DOCK9: variants seen among roughly 807,000 people sequenced by gnomAD.
DOCK9 encodes dedicator of cytokinesis 9, also known as dedicator of cytokinesis protein 9.
DOCK9 carries 89 observed loss-of-function variants against 263.3 expected under a neutral mutation model. That is an observed-to-expected ratio of 0.34 (90% CI 0.28 to 0.40). DOCK9 has a LOEUF of 0.40. DOCK9 is among the 10% of genes least tolerant of loss of function. The pLI, the probability that DOCK9 is intolerant of heterozygous loss-of-function variation, is 1.00. For synonymous variants in DOCK9, 976 were observed against 973.1 expected (o/e 1.00, Z -0.06); for missense variants, 2,140 against 2,603.4 (o/e 0.82, Z 3.87).
At chr13:98,959,147 C>G (rs1395320584) in intron 1 of DOCK9, among the ~76,000 whole-genome samples, 1 of 152,212 alleles carries the variant, frequency 6.6e-6, no homozygotes, top group Non-Finnish European at 1.5e-5. Flanking sequence ...TGGATTGGGA[C>G]AGGACACAGT....
chr13:99,061,795 A>C (rs564507979), intron 1 of DOCK9, among the ~76,000 whole-genome samples: 76 of 152,052 alleles, frequency 5.0e-4, no homozygotes, highest in African/African-American at 1.7e-3. Flanking sequence ...TTGTCTGTAA[A>C]TGTTTTCTAA....
At chr13:98,886,681 C>G (rs6491466) in intron 18 of DOCK9, 57 bp from the exon 19 acceptor site, 870,080 of 1,511,600 alleles carry the variant, frequency 0.58, 253,910 homozygotes, top group Non-Finnish European at 0.6. Flanking sequence ...AGAAATTAAA[C>G]TTGGATATAT....
At chr13:98,854,354 A>G (rs1160529016) in intron 34 of DOCK9, among the ~76,000 whole-genome samples, 1 of 152,160 alleles carries the variant, frequency 6.6e-6, no homozygotes, top group Non-Finnish European at 1.5e-5. Context: ...CAATAGTGGA[A>G]AAAAGATGTT....
chr13:98,881,570 C>T lies in DOCK9; in HGVS notation c.2733G>A (p.Arg911=), dbSNP rs564060346. The change falls in exon 25 of 53, where the codon AGG becomes AGA. Residue 911 remains arginine (R), a synonymous_variant. Transcript: ENST00000682017. Reference sequence around the variant, plus strand: ...GTGTTTTACATACCTTAACATATGACCTCAAGTGGCTCTCCAATCCTTCCT... The same window carrying T: ...GTGTTTTACATACCTTAACATATGATCTCAAGTGGCTCTCCAATCCTTCCT... ...CHEEGLESHL[R]SYVKYAYKAE... 1 of 1,606,196 alleles carries T rather than the reference C, an allele frequency of 6.2e-7. No homozygotes were observed. The highest frequency in any genetic ancestry group is 8.5e-7 in the Non-Finnish European group (1 of 1,176,370).
chr13:99,052,880 G>C (rs2142221813), intron 1 of DOCK9, among the ~76,000 whole-genome samples: 1 of 151,750 alleles, frequency 6.6e-6, no homozygotes, highest in South Asian at 2.1e-4. Context: ...ATATGTTTTG[G>C]ATATTAATCC....
Position 98,885,641 on chromosome 13 carries a change from C to G in DOCK9, c.2260+67G>C, listed in dbSNP as rs570661742. ...TTGCAAAAAGATGGAAATTCAGAAT[C>G]TTAATACAATTTAAGAACCTAATGT... On this transcript the variant is annotated intron_variant, in intron 20 of 52. Transcript: ENST00000682017. The G allele has an allele frequency of 3.5e-5, 52 of 1,497,572 alleles. No homozygotes were observed. In the East Asian group the frequency reaches 1.1e-3, roughly 32 times the overall value. 92.8% of individuals were successfully genotyped at this position (1,497,572 alleles called of 1,614,324 possible).
intron 22 of DOCK9, among the ~76,000 whole-genome samples, chr13:98,883,516 G>A (rs1307594470): frequency 2.6e-5 from 4 of 152,162 alleles, no homozygotes; most frequent in Non-Finnish European, 5.9e-5. Flanking sequence ...AAAATGCTAG[G>A]ATTACAGGTG....
intron 2 of DOCK9, among the ~76,000 whole-genome samples, chr13:98,934,875 C>A (rs2054563552): frequency 6.6e-6 from 1 of 152,216 alleles, no homozygotes; most frequent in Non-Finnish European, 1.5e-5. Context: ...CTATCCACAC[C>A]TTACTGGGTC....
intron 39 of DOCK9, among the ~76,000 whole-genome samples, chr13:98,836,296 T>C (rs1285134024): frequency 1.3e-5 from 2 of 152,216 alleles, no homozygotes; most frequent in South Asian, 2.1e-4. Context: ...TGTTTGAGAC[T>C]GATACAGGTG....
chr13:99,068,522 C>A (rs2041529007), intron 1 of DOCK9, among the ~76,000 whole-genome samples: 1 of 152,160 alleles, frequency 6.6e-6, no homozygotes, highest in Non-Finnish European at 1.5e-5. Flanking sequence ...GCGGAGCCTG[C>A]AGTGAGCCCA....
At chr13:98,871,533 A>G (rs1192317264) in intron 27 of DOCK9, among the ~76,000 whole-genome samples, 1 of 152,258 alleles carries the variant, frequency 6.6e-6, no homozygotes, top group Non-Finnish European at 1.5e-5. Flanking sequence ...ACGAGGTATC[A>G]TACACATTTC....
intron 1 of DOCK9, among the ~76,000 whole-genome samples, chr13:98,974,846 G>A (rs1408173819): frequency 2.0e-5 from 3 of 151,430 alleles, no homozygotes; most frequent in Non-Finnish European, 4.4e-5. Context: ...AGCAGCCACT[G>A]CTAAGGGAAA....
At chr13:98,867,857 AGG>A in intron 29 of DOCK9, 69 bp downstream of exon 29, 3 of 1,367,710 alleles carry the variant, frequency 2.2e-6, no homozygotes, top group South Asian at 1.4e-5. Flanking sequence ...AAAAAAAAAA[AGG>A]AAAAAGATAA....
intron 35 of DOCK9, among the ~76,000 whole-genome samples, chr13:98,851,906 T>C (rs747554843): frequency 3.4e-4 from 51 of 152,104 alleles, no homozygotes; most frequent in Non-Finnish European, 6.6e-4. Context: ...CAAATTCTAA[T>C]TATAAAGGGA....
At chr13:99,020,215 T>C (rs923388627) in intron 1 of DOCK9, among the ~76,000 whole-genome samples, 1 of 152,240 alleles carries the variant, frequency 6.6e-6, no homozygotes, top group African/African-American at 2.4e-5. Context: ...AAGAAATTGC[T>C]AGAAATATGT....
At position 98,928,982 on chromosome 13, in the gene DOCK9, A is replaced by G. The variant is rs372978833; in HGVS notation, c.333+1186T>C. ...TATATTTAATTTTTCAAAAATCTCAATGGAAATTAAATATTGTTATTTAAT... is the reference window on the plus strand; with the variant it reads ...TATATTTAATTTTTCAAAAATCTCAGTGGAAATTAAATATTGTTATTTAAT... On this transcript the variant is annotated intron_variant, in intron 3 of 52. Transcript: ENST00000682017. Among the ~76,000 whole-genome samples the G allele has an allele frequency of 5.9e-5, 9 of 152,162 alleles. No individual in the cohort carries two copies. In the East Asian group the frequency reaches 1.2e-3, roughly 20 times the overall value.
chr13:98,878,400 C>A (rs543308269), intron 27 of DOCK9, among the ~76,000 whole-genome samples: 1 of 152,236 alleles, frequency 6.6e-6, no homozygotes, highest in South Asian at 2.1e-4. Context: ...TCTTTTTCTC[C>A]CCCATCACCT....
Position 98,809,334 on chromosome 13 carries a change from A to C in DOCK9, c.5367+18T>G. On this transcript the variant is annotated intron_variant, in intron 47 of 52. Transcript: ENST00000682017. ...TTAAAGGACTTAGGACAGTCTGCAG[A>C]ATGGACAGGAGGCTCACCTGCCCGA... The C allele has an allele frequency of 6.2e-7, 1 of 1,602,138 alleles. No individual in the cohort carries two copies. The highest frequency in any genetic ancestry group is 2.2e-5 in the East Asian group (1 of 44,824).
chr13:99,053,680 T>A (rs923399607), intron 1 of DOCK9, among the ~76,000 whole-genome samples: 1 of 152,094 alleles, frequency 6.6e-6, no homozygotes, highest in African/African-American at 2.4e-5. Context: ...GCAGGAGGGT[T>A]CTCCTTCCTG....
Sources: allele counts gnomAD v4.1 joint callset (sites outside exome capture counted in the v4.1 genomes callset), GRCh38; gene constraint gnomAD v4.1.1; transcripts MANE v1.5; gene names NCBI Gene and HGNC (gene_info 2026-07-23, HGNC 2026-07-21).